Variants in DNAH14 observed in about 807,000 individuals in gnomAD.
DNAH14 encodes the protein dynein axonemal heavy chain 14.
DNAH14 carries 478 observed loss-of-function variants against 520.9 expected under a neutral mutation model. The observed-to-expected ratio is 0.92, with a 90% CI of 0.85 to 0.99. DNAH14 has a LOEUF of 0.99. Among genes scored for constraint, DNAH14 ranks in the 50% least tolerant of loss-of-function variants. The pLI is 0.00. For synonymous variants in DNAH14, 1,581 were observed against 1,757.2 expected (o/e 0.90, Z 2.51); for missense variants, 4,831 against 5,234.5 (o/e 0.92, Z 2.38).
intron 11 of DNAH14, among the ~76,000 whole-genome samples, chr1:225,037,549 TTTA>T (rs1220874268): frequency 7.2e-5 from 11 of 152,304 alleles, no homozygotes; most frequent in Non-Finnish European, 1.5e-4. Context: ...CTTCTTAACT[TTTA>T]TTGTTTCTTT....
At chr1:225,257,682 T>C (rs669280) in intron 44 of DNAH14, among the ~76,000 whole-genome samples, 29,973 of 151,496 alleles carry the variant, frequency 0.2, 3,106 homozygotes, top group East Asian at 0.37. Context: ...ACTGCAGGCG[T>C]CTGCCACCAC....
At chr1:225,248,367 CAA>C (rs2092398460) in intron 43 of DNAH14, among the ~76,000 whole-genome samples, 1 of 151,914 alleles carries the variant, frequency 6.6e-6, no homozygotes, top group South Asian at 2.1e-4. Flanking sequence ...ATTAAAAAGA[CAA>C]AATCAAAATT....
intron 8 of DNAH14, among the ~76,000 whole-genome samples, chr1:224,985,617 T>C (rs1454220041): frequency 6.6e-6 from 1 of 151,878 alleles, no homozygotes; most frequent in Non-Finnish European, 1.5e-5. Context: ...TATCAAAACA[T>C]AGAATTAAGA....
intron 83 of DNAH14, 48 bp from the exon 84 acceptor site, chr1:225,392,243 G>A (rs1350308637): frequency 6.5e-7 from 1 of 1,543,286 alleles, no homozygotes; most frequent in African/African-American, 1.4e-5. Flanking sequence ...CCCAGCAGGA[G>A]GCCCTGAGAC....
At chr1:225,180,388 A>G (rs1355700783) in intron 36 of DNAH14, among the ~76,000 whole-genome samples, 1 of 152,188 alleles carries the variant, frequency 6.6e-6, no homozygotes, top group African/African-American at 2.4e-5. Flanking sequence ...TAAATTATAA[A>G]GAAAAGAGGT....
chr1:225,080,241 A>T (rs1438414035), intron 18 of DNAH14, 138 bp from the exon 19 acceptor site: 18 of 887,782 alleles, frequency 2.0e-5, no homozygotes, highest in Non-Finnish European at 2.9e-5. Context: ...GTCTGGGCCA[A>T]ATGGTAATGA....
At position 225,011,836 on chromosome 1, in the gene DNAH14, A is replaced by T. The variant is rs538190261; in HGVS notation, c.1107+4292A>T. On this transcript the variant is annotated intron_variant, in intron 10 of 85. Transcript: ENST00000682510. ...TCCTCCATCCCCTTATTTTGAGCCT[A>T]TGTGTGTCTTTGCACGTGAGATGTG... is the stretch of plus-strand genomic sequence containing the variant. Among the ~76,000 whole-genome samples the T allele has an allele frequency of 1.2e-4, 14 of 119,170 alleles. No homozygotes were observed. In the South Asian group the frequency reaches 3.5e-3, roughly 30 times the overall value. The allele number at this position is 119,170 out of a possible 152,430, so 78.2% of individuals were successfully genotyped here.
intron 77 of DNAH14, among the ~76,000 whole-genome samples, chr1:225,374,211 G>A (rs1371599194): frequency 2.0e-5 from 1 of 49,090 alleles, no homozygotes; most frequent in African/African-American, 6.4e-5. Context: ...AACTATTCTA[G>A]TAAGACAAAT....
At chr1:225,349,836 C>A (rs767147096) in intron 71 of DNAH14, among the ~76,000 whole-genome samples, 3 of 152,022 alleles carry the variant, frequency 2.0e-5, no homozygotes, top group Admixed American at 2.0e-4. Context: ...AATAAGACAG[C>A]GACCCAATAA....
intron 21 of DNAH14, among the ~76,000 whole-genome samples, chr1:225,091,308 A>G (rs192195132): frequency 7.5e-4 from 114 of 152,254 alleles, no homozygotes; most frequent in African/African-American, 2.6e-3. Context: ...CCAAGTTGGA[A>G]AAAAGGAAAA....
At chr1:225,174,169 A>C (rs1465474598) in intron 36 of DNAH14, among the ~76,000 whole-genome samples, 6 of 152,146 alleles carry the variant, frequency 3.9e-5, no homozygotes, top group Non-Finnish European at 8.8e-5. Context: ...TTAAATGACG[A>C]GTCGATGGGT....
intron 35 of DNAH14, among the ~76,000 whole-genome samples, chr1:225,167,570 G>A (rs1173077590): frequency 2.6e-5 from 4 of 152,078 alleles, no homozygotes; most frequent in Non-Finnish European, 4.4e-5. Context: ...ATAATGATTA[G>A]AATTACAAAA....
intron 38 of DNAH14, among the ~76,000 whole-genome samples, chr1:225,194,254 C>G (rs1305482860): frequency 1.3e-5 from 2 of 151,494 alleles, no homozygotes; most frequent in Non-Finnish European, 3.0e-5. Context: ...TCATGTTACC[C>G]AATTTCAAAC....
At chr1:225,337,557 C>A in intron 67 of DNAH14, 61 bp downstream of exon 67, 1 of 1,356,158 alleles carries the variant, frequency 7.4e-7, no homozygotes, top group Non-Finnish European at 1.0e-6. Context: ...ATGCACTGAG[C>A]ATAAAGGCTA....
At chr1:225,099,980 T>C (rs550338420) in intron 22 of DNAH14, among the ~76,000 whole-genome samples, 28 of 152,236 alleles carry the variant, frequency 1.8e-4, no homozygotes, top group Non-Finnish European at 1.5e-4. Context: ...GTGGGAAATA[T>C]AGGTGAACAG....
At chr1:225,301,645 A>G (rs560360740) in intron 56 of DNAH14, among the ~76,000 whole-genome samples, 4 of 152,268 alleles carry the variant, frequency 2.6e-5, no homozygotes, top group South Asian at 4.1e-4. Flanking sequence ...TACCCAAACT[A>G]GAATATTCAC....
chr1:224,938,756 A>G (rs779562874), intron 1 of DNAH14, among the ~76,000 whole-genome samples: 1 of 152,240 alleles, frequency 6.6e-6, no homozygotes, highest in Non-Finnish European at 1.5e-5. Flanking sequence ...TTATTGCAGC[A>G]CTATTCATAG....
At chr1:225,162,095 A>G (rs1195248148) in intron 35 of DNAH14, among the ~76,000 whole-genome samples, 5 of 152,120 alleles carry the variant, frequency 3.3e-5, no homozygotes. Flanking sequence ...CCAATGTCCT[A>G]GACATTTTCC....
intron 31 of DNAH14, among the ~76,000 whole-genome samples, chr1:225,150,963 C>T (rs775865150): frequency 3.3e-5 from 5 of 152,090 alleles, no homozygotes; most frequent in African/African-American, 7.2e-5. Context: ...CTGCCCGCCT[C>T]AGCCTCCTGA....
Sources: gnomAD v4.1 joint callset for allele counts (sites outside exome capture counted in the v4.1 genomes callset) on GRCh38, gnomAD v4.1.1 for gene constraint, MANE v1.5 for transcripts, NCBI Gene and HGNC (gene_info 2026-07-23, HGNC 2026-07-21) for gene names.